USP24: variants seen among roughly 807,000 people sequenced by gnomAD.
The protein encoded by USP24 is ubiquitin carboxyl-terminal hydrolase 24.
In USP24, 97 loss-of-function variants were observed where a neutral mutation model predicts 361.6. That is an observed-to-expected ratio of 0.27 (90% CI 0.23 to 0.32). The LOEUF is 0.32. Ranked by LOEUF, USP24 falls within the 10% of genes least tolerant of loss-of-function variation. The pLI is 1.00. For missense variants in USP24, 2,353 were observed against 3,165.6 expected (o/e 0.74, Z 6.16); for synonymous variants, 1,098 against 1,124.6 (o/e 0.98, Z 0.47).
rs748052566 is a variant in USP24 at position 55,101,659 on chromosome 1, C to T, written c.5070G>A (p.Gly1690=). ...AACAAGTTGCACCACCATTTCTCAG[C>T]CCCACAAACCCTGAACTGGACCTGC... is the stretch of plus-strand genomic sequence containing the variant. ...VDSRSSSGFV[G]LRNGGATCYM... is the part of the protein sequence containing the mutation. Residue 1690 remains glycine (G), a synonymous_variant, in exon 43 of 68, where the codon GGG becomes GGA. Transcript: ENST00000294383. The T allele has an allele frequency of 6.2e-7, 1 of 1,612,994 alleles. No individual in the cohort carries two copies. Among genetic ancestry groups the T allele is most frequent in the Non-Finnish European group, 8.5e-7 (1 of 1,179,606 alleles).
At position 55,120,703 on chromosome 1, in the gene USP24, T is replaced by G; in HGVS notation, c.4401A>C (p.Ser1467=). Residue 1467 remains serine, a synonymous_variant, in exon 38 of 68, where the codon TCA becomes TCC. Transcript: ENST00000294383. ...QLYTLSQTDT[S]AHPDVQKPNQ... Reference sequence around the variant, plus strand: ...TTGGCTTCTGCACATCTGGATGCGCTGATGTGTCTGTCTGACTAAGAGTGT... The same window carrying G: ...TTGGCTTCTGCACATCTGGATGCGCGGATGTGTCTGTCTGACTAAGAGTGT... 1 of 1,575,112 alleles carries G rather than the reference T, an allele frequency of 6.3e-7. No individual in the cohort carries two copies. Among genetic ancestry groups the G allele is most frequent in the Non-Finnish European group, 8.6e-7 (1 of 1,159,138 alleles).
intron 1 of USP24, among the ~76,000 whole-genome samples, chr1:55,184,909 G>GA (rs1644084697): frequency 6.6e-6 from 1 of 152,076 alleles, no homozygotes; most frequent in African/African-American, 2.4e-5. Flanking sequence ...AAACTTTTGG[G>GA]TACAGCAAAA....
At chr1:55,205,112 G>A (rs1420926805) in intron 1 of USP24, among the ~76,000 whole-genome samples, 1 of 152,158 alleles carries the variant, frequency 6.6e-6, no homozygotes, top group Non-Finnish European at 1.5e-5. Flanking sequence ...AGGAACAGAG[G>A]TCACCAGGGA....
At chr1:55,076,468 T>C (rs995407966) in intron 62 of USP24, among the ~76,000 whole-genome samples, 15 of 152,334 alleles carry the variant, frequency 9.8e-5, no homozygotes, top group African/African-American at 2.9e-4. Context: ...AAGGCCTCTA[T>C]GGAGTATCAA....
intron 45 of USP24, among the ~76,000 whole-genome samples, chr1:55,099,075 TTCTCCCCTGTGCCAGAGCACTC>T (rs1390364908): frequency 3.3e-5 from 5 of 152,126 alleles, no homozygotes; most frequent in African/African-American, 4.8e-5. Flanking sequence ...TCTGGCTCCT[TTCTCCCCTGTGCCAGAGCACTC>T]TCTGCTCTGC....
intron 67 of USP24, among the ~76,000 whole-genome samples, chr1:55,070,311 A>G (rs1231747041): frequency 6.6e-6 from 1 of 152,124 alleles, no homozygotes; most frequent in African/African-American, 2.4e-5. Flanking sequence ...ATATGGAGTG[A>G]GGGCAGGAGG....
At chr1:55,138,756 C>T in intron 25 of USP24, 38 bp from the exon 26 acceptor site, 1 of 1,434,286 alleles carries the variant, frequency 7.0e-7, no homozygotes, top group Non-Finnish European at 9.7e-7. Flanking sequence ...TGGACAGCAC[C>T]ACTGATAAAC....
At chr1:55,109,568 C>T (rs958953190) in intron 39 of USP24, among the ~76,000 whole-genome samples, 2 of 152,116 alleles carry the variant, frequency 1.3e-5, no homozygotes, top group Admixed American at 1.3e-4. Context: ...CTGGTCTTGA[C>T]GTTCTTTACC....
rs920348822 is a variant in USP24, at chr1:55,120,886, A to G, written c.4348-130T>C. 14 of 1,190,886 alleles carry G rather than the reference A, an allele frequency of 1.2e-5. No individual in the cohort carries two copies. The African/African-American group carries it at 2.0e-4, about 17-fold the overall frequency. 73.8% of individuals were successfully genotyped at this position (1,190,886 alleles called of 1,614,324 possible). ...TATTGAAGGATACTAGAAAGGTATG[A>G]GTGTTTCAGATTTTAATGGTAAGGT... On this transcript the variant is annotated intron_variant, in intron 37 of 67. Transcript: ENST00000294383.
chr1:55,161,625 C>A (rs1001998530), intron 8 of USP24, among the ~76,000 whole-genome samples: 11 of 152,092 alleles, frequency 7.2e-5, no homozygotes, highest in Admixed American at 7.2e-4. Context: ...AGTATTTCAA[C>A]GTGACATTTT....
chr1:55,203,488 T>C (rs932348288), intron 1 of USP24, among the ~76,000 whole-genome samples: 3 of 152,236 alleles, frequency 2.0e-5, no homozygotes, highest in African/African-American at 7.2e-5. Flanking sequence ...CTAGTTCTGC[T>C]TACTGGAATA....
rs909372922 is a variant in USP24, at chr1:55,100,271, C to T, written c.5272-402G>A. Among the ~76,000 whole-genome samples the T allele has an allele frequency of 2.6e-5, 4 of 152,098 alleles. No individual in the cohort carries two copies. In the South Asian group the frequency reaches 6.2e-4, roughly 24 times the overall value. ...CAGCACTCTGGGAGGCCGAGGCAGG[C>T]GGATCACCTGAGGTCGGGAGTTCAA... On this transcript the variant is annotated intron_variant, in intron 44 of 67. Transcript: ENST00000294383.
At chr1:55,148,867 A>C (rs1647112965) in intron 16 of USP24, among the ~76,000 whole-genome samples, 1 of 152,230 alleles carries the variant, frequency 6.6e-6, no homozygotes, top group South Asian at 2.1e-4. Flanking sequence ...ACTTCAGAGG[A>C]TAGATTAAGT....
Position 55,106,245 on chromosome 1 carries a change from G to C in USP24, c.4781C>G (p.Pro1594Arg). Residue 1594 changes from proline (P) to arginine (R), a missense_variant, in exon 41 of 68, where the codon CCA becomes CGA. Around this residue, in one of 8 missense-constraint regions of USP24, gnomAD observed 949 missense variants for 1,280.5 expected, o/e 0.74. Transcript: ENST00000294383. ...TCGGAAAAGGAAGTCATCTAACAAT[G>C]GTTTAATGAGTGATGAACCTGGAAT... ...KEMLGSSLIKPLLDDFLFRAS... is the reference protein window; with the variant it reads ...KEMLGSSLIKRLLDDFLFRAS... 4 of 1,610,908 alleles carry C rather than the reference G, an allele frequency of 2.5e-6. No individual in the cohort carries two copies. Among genetic ancestry groups the C allele is most frequent in the Non-Finnish European group, 3.4e-6 (4 of 1,177,176 alleles).
intron 28 of USP24, among the ~76,000 whole-genome samples, chr1:55,135,297 T>C (rs1478520806): frequency 6.6e-6 from 1 of 152,124 alleles, no homozygotes; most frequent in East Asian, 1.9e-4. Flanking sequence ...CAAATACAGT[T>C]AACTCTGACA....
At position 55,146,144 on chromosome 1, in the gene USP24, G is replaced by A. The variant is rs781538216; in HGVS notation, c.2251-35C>T. On this transcript the variant is annotated intron_variant, in intron 19 of 67. Coordinates refer to ENST00000294383, the MANE Select transcript of USP24 (RefSeq NM_015306.3). ...AAGACGAATATCACCCTATAACTAA[G>A]ATCCATTTCAGGCACATACATATTC... The A allele has an allele frequency of 2.5e-5, 38 of 1,504,458 alleles. No individual in the cohort carries two copies. The East Asian group carries it at 8.7e-4, about 34-fold the overall frequency. 93.2% of individuals were successfully genotyped at this position (1,504,458 alleles called of 1,614,324 possible).
Position 55,188,074 on chromosome 1 carries a change from T to TAAATAATACC in USP24, c.325-9952_325-9943dup, listed in dbSNP as rs544209977. 1.3e-4 allele frequency among the ~76,000 whole-genome samples: 20 copies of TAAATAATACC among 152,344 alleles called. No individual in the cohort carries two copies. The South Asian group carries it at 3.3e-3, about 25-fold the overall frequency. ...TCAATGGAATATAATGGAGATTTCA[T>TAAATAATACC]AAATAATACCTGGTATTTATGGTCA... On this transcript the variant is annotated intron_variant, in intron 1 of 67. Transcript: ENST00000294383.
intron 8 of USP24, 78 bp from the exon 9 acceptor site, chr1:55,159,763 A>G (rs1648079099): frequency 3.8e-6 from 5 of 1,305,644 alleles, no homozygotes; most frequent in Admixed American, 2.1e-5. Context: ...TTCATCTACA[A>G]TTCACAAAGG....
intron 3 of USP24, 86 bp downstream of exon 3, chr1:55,176,290 C>T: frequency 1.6e-6 from 2 of 1,256,300 alleles, no homozygotes; most frequent in Non-Finnish European, 2.2e-6. Context: ...ACATAAAAAA[C>T]TAAAATTAAA....
Sources: allele counts gnomAD v4.1 joint callset (sites outside exome capture counted in the v4.1 genomes callset), GRCh38; gene constraint gnomAD v4.1.1; regional missense constraint gnomAD v4.1.1; transcripts MANE v1.5; gene names NCBI Gene and HGNC (gene_info 2026-07-23, HGNC 2026-07-21).